Variants in NTNG1 observed in about 807,000 individuals in gnomAD.
NTNG1 encodes the protein netrin G1.
In NTNG1, 16 loss-of-function variants were observed where a neutral mutation model predicts 54.0. The ratio of observed to expected loss-of-function variants is 0.30; its 90% confidence interval spans 0.20 to 0.45. NTNG1 has a LOEUF of 0.45. NTNG1 is among the 20% of genes least tolerant of loss of function. The pLI, the probability that NTNG1 is intolerant of heterozygous loss-of-function variation, is 1.00. For synonymous variants in NTNG1, 255 were observed against 263.1 expected (o/e 0.97, Z 0.30); for missense variants, 530 against 678.7 (o/e 0.78, Z 2.43).
chr1:107,420,250 G>A (rs372951057), intron 5 of NTNG1, among the ~76,000 whole-genome samples: 1 of 152,154 alleles, frequency 6.6e-6, no homozygotes, highest in East Asian at 1.9e-4. Flanking sequence ...AATACCAGTT[G>A]CACTTTCTTA....
At chr1:107,244,395 T>C (rs1662047893) in intron 2 of NTNG1, among the ~76,000 whole-genome samples, 1 of 152,208 alleles carries the variant, frequency 6.6e-6, no homozygotes, top group South Asian at 2.1e-4. Flanking sequence ...TTTTAACTTG[T>C]TCTGAAATGT....
At chr1:107,284,344 T>C (rs1328339834) in intron 2 of NTNG1, among the ~76,000 whole-genome samples, 1 of 152,172 alleles carries the variant, frequency 6.6e-6, no homozygotes, top group Non-Finnish European at 1.5e-5. Flanking sequence ...CTAATTGTGA[T>C]GATACTTGAA....
chr1:107,243,777 T>G lies in NTNG1; in HGVS notation c.247-80505T>G, dbSNP rs573698933. On this transcript the variant is annotated intron_variant, in intron 2 of 7. Coordinates refer to ENST00000370068, the MANE Select transcript of NTNG1 (RefSeq NM_001113226.3). Reference sequence around the variant, plus strand: ...TGTCTCAACAGACTGAGAGTTTTCGTTTTTTTTTTCAATATATGACTCTGC... The same window carrying G: ...TGTCTCAACAGACTGAGAGTTTTCGGTTTTTTTTTCAATATATGACTCTGC... 3.1e-3 allele frequency among the ~76,000 whole-genome samples: 467 copies of G among 148,720 alleles called. 3 individuals are homozygous for G. Among genetic ancestry groups the G allele is most frequent in the South Asian group, 0.02 (92 of 4,674 alleles).
chr1:107,232,411 G>C (rs1402074925), intron 2 of NTNG1, among the ~76,000 whole-genome samples: 4 of 152,080 alleles, frequency 2.6e-5, no homozygotes, highest in Non-Finnish European at 4.4e-5. Context: ...TGCCTTCCAT[G>C]GTTTCTCCCT....
At chr1:107,213,968 A>G (rs1318528750) in intron 2 of NTNG1, among the ~76,000 whole-genome samples, 1 of 152,024 alleles carries the variant, frequency 6.6e-6, no homozygotes, top group African/African-American at 2.4e-5. Context: ...TTTGGATACA[A>G]TCCTTCATCA....
At chr1:107,187,063 C>T (rs1657513245) in intron 2 of NTNG1, among the ~76,000 whole-genome samples, 1 of 152,144 alleles carries the variant, frequency 6.6e-6, no homozygotes, top group Non-Finnish European at 1.5e-5. Flanking sequence ...CCAAAGGCTG[C>T]CCTCTAAACT....
intron 3 of NTNG1, among the ~76,000 whole-genome samples, chr1:107,332,314 T>A (rs1349643721): frequency 6.6e-6 from 1 of 152,032 alleles, no homozygotes; most frequent in African/African-American, 2.4e-5. Context: ...CATAGATTTT[T>A]TAAGCTAGTG....
intron 5 of NTNG1, among the ~76,000 whole-genome samples, chr1:107,415,876 T>G (rs916644335): frequency 2.6e-5 from 4 of 152,160 alleles, no homozygotes. Flanking sequence ...CTAATATGCT[T>G]AATTTACTTC....
At chr1:107,178,294 C>CT (rs547237456) in intron 2 of NTNG1, among the ~76,000 whole-genome samples, 121 of 152,198 alleles carry the variant, frequency 8.0e-4, no homozygotes, top group African/African-American at 2.6e-3. Context: ...CAGATAAATT[C>CT]TTTTTTTCTT....
chr1:107,414,938 A>T (rs928503696), intron 5 of NTNG1, among the ~76,000 whole-genome samples: 4 of 152,186 alleles, frequency 2.6e-5, no homozygotes, highest in Non-Finnish European at 4.4e-5. Context: ...TATCCTAAAT[A>T]GATTATTTTC....
chr1:107,390,780 C>T (rs747500142), intron 3 of NTNG1, among the ~76,000 whole-genome samples: 4 of 152,192 alleles, frequency 2.6e-5, no homozygotes, highest in Non-Finnish European at 5.9e-5. Context: ...AACAGCAACA[C>T]ACACTAGGGA....
At chr1:107,415,350 C>A (rs1674124773) in intron 5 of NTNG1, among the ~76,000 whole-genome samples, 1 of 152,118 alleles carries the variant, frequency 6.6e-6, no homozygotes, top group African/African-American at 2.4e-5. Context: ...CCACTAGATT[C>A]TCCAAATGGC....
chr1:107,194,308 A>G (rs1658168980), intron 2 of NTNG1, among the ~76,000 whole-genome samples: 1 of 151,924 alleles, frequency 6.6e-6, no homozygotes, highest in South Asian at 2.1e-4. Context: ...GTTTTAAATC[A>G]CTTCCCTATG....
At chr1:107,327,618 C>G (rs1668039923) in intron 3 of NTNG1, among the ~76,000 whole-genome samples, 2 of 151,988 alleles carry the variant, frequency 1.3e-5, no homozygotes, top group African/African-American at 2.4e-5. Context: ...CCCCCACCAT[C>G]CCATGAAATG....
intron 3 of NTNG1, among the ~76,000 whole-genome samples, chr1:107,340,102 T>C (rs924529671): frequency 1.8e-4 from 28 of 152,106 alleles, no homozygotes; most frequent in Non-Finnish European, 2.6e-4. Flanking sequence ...TCTAAACAAT[T>C]ATCTCCATAT....
At chr1:107,178,010 A>G (rs1282062934) in intron 2 of NTNG1, among the ~76,000 whole-genome samples, 2 of 152,120 alleles carry the variant, frequency 1.3e-5, no homozygotes, top group African/African-American at 4.8e-5. Context: ...CACCTCTTCC[A>G]TATCCTACCT....
chr1:107,392,500 T>A (rs532380865), intron 3 of NTNG1, among the ~76,000 whole-genome samples: 1 of 151,892 alleles, frequency 6.6e-6, no homozygotes, highest in African/African-American at 2.4e-5. Context: ...GAAAACGAGC[T>A]TGGGTATCCA....
intron 2 of NTNG1, among the ~76,000 whole-genome samples, chr1:107,223,209 C>T (rs1390625637): frequency 6.6e-6 from 1 of 151,978 alleles, no homozygotes; most frequent in African/African-American, 2.4e-5. Context: ...AGAATGGTAT[C>T]TACCTTTTGT....
intron 2 of NTNG1, among the ~76,000 whole-genome samples, chr1:107,273,624 C>T (rs1372575574): frequency 6.6e-6 from 1 of 152,132 alleles, no homozygotes; most frequent in Non-Finnish European, 1.5e-5. Flanking sequence ...TAGGTGCTGT[C>T]TGAATATTTA....
Sources: gnomAD v4.1 joint callset for allele counts (sites outside exome capture counted in the v4.1 genomes callset) on GRCh38, gnomAD v4.1.1 for gene constraint, MANE v1.5 for transcripts, NCBI Gene and HGNC (gene_info 2026-07-23, HGNC 2026-07-21) for gene names.